LRPPRC: variants seen among roughly 807,000 people sequenced by gnomAD.
LRPPRC encodes the protein leucine-rich PPR motif-containing protein, mitochondrial.
Under a neutral mutation model 180.3 loss-of-function variants are expected in LRPPRC, and 120 were observed. That is an observed-to-expected ratio of 0.67 (90% CI 0.57 to 0.77). LRPPRC has a LOEUF of 0.77. LRPPRC is among the 30% of genes least tolerant of loss of function. LRPPRC has a pLI of 0.00. For synonymous variants in LRPPRC, 723 were observed against 600.0 expected (o/e 1.21, Z -3.00); for missense variants, 2,012 against 1,657.2 (o/e 1.21, Z -3.72).
intron 14 of LRPPRC, among the ~76,000 whole-genome samples, chr2:43,956,611 T>C (rs184649703): frequency 7.2e-5 from 11 of 151,942 alleles, no homozygotes; most frequent in Admixed American, 1.3e-4. Flanking sequence ...TTACAGAGGA[T>C]GGGCACAGTG....
At chr2:43,891,870 C>A (rs897213894) in intron 36 of LRPPRC, among the ~76,000 whole-genome samples, 1 of 152,202 alleles carries the variant, frequency 6.6e-6, no homozygotes, top group African/African-American at 2.4e-5. Context: ...GTTGTGAATG[C>A]AAAGGAAAAG....
intron 7 of LRPPRC, 38 bp from the exon 8 acceptor site, chr2:43,974,796 GT>G (rs775579224): frequency 5.6e-6 from 9 of 1,597,970 alleles, no homozygotes; most frequent in Non-Finnish European, 7.7e-6. Context: ...CAAAGTTAGA[GT>G]GTTTTTATTT....
chr2:43,967,406 C>T (rs76150863), intron 11 of LRPPRC, among the ~76,000 whole-genome samples: 2 of 112,902 alleles, frequency 1.8e-5, no homozygotes, highest in African/African-American at 3.4e-5. Context: ...GATAGAAAGA[C>T]AGATATAGAT....
chr2:43,968,286 T>A (rs1037577950), intron 11 of LRPPRC, among the ~76,000 whole-genome samples: 2 of 152,238 alleles, frequency 1.3e-5, no homozygotes, highest in African/African-American at 4.8e-5. Flanking sequence ...CTTTGCTAAA[T>A]CTTTCTAACT....
At position 43,896,621 on chromosome 2, in the gene LRPPRC, T is replaced by C; in HGVS notation, c.3900+13A>G. On this transcript the variant is annotated intron_variant, in intron 35 of 37. Coordinates refer to ENST00000260665, the MANE Select transcript of LRPPRC (RefSeq NM_133259.4). ...ACAGTATCATTGATTTGTAAGCAGGTAAAGCACAGTACCTTTCCTTGTTTC... is the reference window on the plus strand; with the variant it reads ...ACAGTATCATTGATTTGTAAGCAGGCAAAGCACAGTACCTTTCCTTGTTTC... 1 of 1,571,992 alleles carries C rather than the reference T, an allele frequency of 6.4e-7. No individual in the cohort carries two copies. Among genetic ancestry groups the C allele is most frequent in the South Asian group, 1.1e-5 (1 of 89,908 alleles).
At chr2:43,921,064 G>T (rs1174794654) in intron 27 of LRPPRC, among the ~76,000 whole-genome samples, 1 of 152,176 alleles carries the variant, frequency 6.6e-6, no homozygotes, top group Admixed American at 6.5e-5. Flanking sequence ...AGACGAGGTA[G>T]GCAGATTAGT....
rs144826521 is a variant in LRPPRC at position 43,949,659 on chromosome 2, T to A, written c.1678A>T (p.Ile560Leu). The A allele has an allele frequency of 7.5e-4, 1,212 of 1,612,744 alleles. 1 individual carries two copies. Among genetic ancestry groups the A allele is most frequent in the Non-Finnish European group, 8.7e-4 (1,031 of 1,178,820 alleles). ...RSMNINLWSE[I>L]TELLYKDGRY... ...CCATCCTTGTACAACAATTCTGTTA[T>A]CTGGTAAGACAGAAAATTCGTGCAT... The change falls in exon 16 of 38, where the codon ATA (isoleucine) becomes TTA (leucine). Residue 560 changes from isoleucine to leucine, a missense_variant and splice_region_variant. By Grantham distance (5) the Ile-to-Leu change is conservative. Transcript: ENST00000260665.
chr2:43,957,317 A>G, intron 14 of LRPPRC, 68 bp downstream of exon 14: 1 of 1,027,308 alleles, frequency 9.7e-7, no homozygotes, highest in Non-Finnish European at 1.6e-6. Context: ...TTCCTCATGC[A>G]ATAAGTCAAA....
At chr2:43,917,931 T>G (rs1166343531) in intron 29 of LRPPRC, 94 bp downstream of exon 29, 1 of 828,444 alleles carries the variant, frequency 1.2e-6, no homozygotes, top group Admixed American at 2.2e-5. Flanking sequence ...ATCTCTATCC[T>G]AGAGCACTTC....
chr2:43,896,882 C>G (rs1277330749), intron 34 of LRPPRC, among the ~76,000 whole-genome samples, 174 bp from the exon 35 acceptor site: 1 of 152,094 alleles, frequency 6.6e-6, no homozygotes, highest in African/African-American at 2.4e-5. Context: ...CAAGTGCAAG[C>G]TATGCCAAGC....
At chr2:43,930,856 G>A (rs1157935501) in intron 25 of LRPPRC, among the ~76,000 whole-genome samples, 1 of 152,086 alleles carries the variant, frequency 6.6e-6, no homozygotes, top group Non-Finnish European at 1.5e-5. Flanking sequence ...AGAAATTATG[G>A]TAAAAGAAGG....
Position 43,890,825 on chromosome 2 carries a change from TG to T in LRPPRC, c.3986-950del, listed in dbSNP as rs1670465309. Among the ~76,000 whole-genome samples the T allele has an allele frequency of 3.3e-5, 5 of 152,232 alleles. No individual in the cohort carries two copies. The South Asian group carries it at 1.0e-3, about 32-fold the overall frequency. On this transcript the variant is annotated intron_variant, in intron 36 of 37. Coordinates refer to ENST00000260665, the MANE Select transcript of LRPPRC (RefSeq NM_133259.4). ...CCAAATTTGGCTGGCTCTCTACTTG[TG>T]GCTGATTTGTGGAAATTTTTTAGTT...
At chr2:43,954,459 G>C (rs1325106255) in intron 14 of LRPPRC, among the ~76,000 whole-genome samples, 1 of 152,190 alleles carries the variant, frequency 6.6e-6, no homozygotes, top group South Asian at 2.1e-4. Flanking sequence ...TCTAATACTT[G>C]TAAGTTTGCA....
chr2:43,926,148 A>G (rs1168679404), intron 25 of LRPPRC, among the ~76,000 whole-genome samples, 187 bp from the exon 26 acceptor site: 1 of 152,190 alleles, frequency 6.6e-6, no homozygotes, highest in Non-Finnish European at 1.5e-5. Flanking sequence ...TACAAACTAT[A>G]ATTAACCCCA....
intron 21 of LRPPRC, among the ~76,000 whole-genome samples, chr2:43,945,766 G>A (rs994817971): frequency 6.6e-6 from 1 of 152,018 alleles, no homozygotes; most frequent in Non-Finnish European, 1.5e-5. Flanking sequence ...AGGTACCTGA[G>A]AAATGGATAG....
chr2:43,947,098 G>C (rs1348682502), intron 20 of LRPPRC, among the ~76,000 whole-genome samples, 159 bp downstream of exon 20: 1 of 152,022 alleles, frequency 6.6e-6, no homozygotes, highest in Non-Finnish European at 1.5e-5. Flanking sequence ...GCCATTCAAG[G>C]TGTAGCTGAA....
intron 21 of LRPPRC, among the ~76,000 whole-genome samples, chr2:43,945,827 A>T (rs1333705438): frequency 6.6e-6 from 1 of 152,096 alleles, no homozygotes; most frequent in Non-Finnish European, 1.5e-5. Context: ...AAGCCTCTTA[A>T]AACAGTTACC....
intron 2 of LRPPRC, among the ~76,000 whole-genome samples, chr2:43,980,408 C>G (rs558760920): frequency 1.3e-5 from 2 of 152,088 alleles, no homozygotes; most frequent in East Asian, 3.9e-4. Context: ...ATAAAATTAG[C>G]TGGGCGAGAT....
chr2:43,903,860 T>A (rs570209237), intron 31 of LRPPRC: 1 of 152,224 alleles, frequency 6.6e-6, no homozygotes, highest in African/African-American at 2.4e-5. Flanking sequence ...GACAATGAGC[T>A]TATTTATATG....
Sources: gnomAD v4.1 joint callset for allele counts (sites outside exome capture counted in the v4.1 genomes callset) on GRCh38, gnomAD v4.1.1 for gene constraint, MANE v1.5 for transcripts, NCBI Gene and HGNC (gene_info 2026-07-23, HGNC 2026-07-21) for gene names.